The following NFIX variants were observed in gnomAD, a reference collection of about 807,000 sequenced individuals.
NFIX encodes the protein nuclear factor I X.
A neutral mutation model predicts 53.3 loss-of-function variants in NFIX; 2 were observed. The observed-to-expected ratio is 0.04, with a 90% CI of 0.02 to 0.12. The LOEUF (loss-of-function observed/expected upper bound fraction) is 0.12. NFIX is among the 10% of genes least tolerant of loss of function. The pLI is 1.00. For missense variants in NFIX, 310 were observed against 674.5 expected (o/e 0.46, Z 5.99); for synonymous variants, 244 against 289.0 (o/e 0.84, Z 1.58).
At chr19:13,046,148 T>C (rs989915986) in intron 2 of NFIX, among the ~76,000 whole-genome samples, 22 of 152,190 alleles carry the variant, frequency 1.4e-4, no homozygotes, top group African/African-American at 5.3e-4. Flanking sequence ...CTGCAGGCAC[T>C]CCTGCCTCCT....
In NFIX at chr19:13,028,915, C is replaced by T. The variant is rs1372062010; in HGVS notation, c.559+3363C>T. Reference sequence around the variant, plus strand: ...ACCAGTGCCTTCAGACCTTCCCTGACACCTAAGCCTTGGTCCTAGGAAAGA... The same window carrying T: ...ACCAGTGCCTTCAGACCTTCCCTGATACCTAAGCCTTGGTCCTAGGAAAGA... On this transcript the variant is annotated intron_variant, in intron 2 of 10. Coordinates refer to ENST00000592199, the MANE Select transcript of NFIX (RefSeq NM_001365902.3). This position sits in a 1 kb window ranked among gnomAD's most constrained non-coding sequence, Gnocchi z 4.2. Among the ~76,000 whole-genome samples, 1 of 151,944 alleles carries T rather than the reference C, an allele frequency of 6.6e-6. No individual in the cohort carries two copies. Among genetic ancestry groups the T allele is most frequent in the Admixed American group, 6.6e-5 (1 of 15,262 alleles).
rs377020972 is a variant in NFIX at position 13,089,004 on chromosome 19, A to C, written c.1402+868A>C. ...AGGGTGGGCAGCTCTGGGGGTGGGC[A>C]GGCCACAGGCCAGGGCAGTTCGGTG... On this transcript the variant is annotated intron_variant, in intron 9 of 10. Coordinates refer to ENST00000592199, the MANE Select transcript of NFIX (RefSeq NM_001365902.3). This position sits in a 1 kb window ranked among gnomAD's most constrained non-coding sequence, Gnocchi z 4.8. Among the ~76,000 whole-genome samples, 11 of 151,640 alleles carry C rather than the reference A, an allele frequency of 7.3e-5. No homozygotes were observed. The highest frequency in any genetic ancestry group is 2.7e-4 in the African/African-American group (11 of 41,234).
At position 13,001,648 on chromosome 19, in the gene NFIX, G is replaced by A. The variant is rs1305984228; in HGVS notation, c.27+5784G>A. Among the ~76,000 whole-genome samples, 2 of 152,150 alleles carry A rather than the reference G, an allele frequency of 1.3e-5. No homozygotes were observed. Among genetic ancestry groups the A allele is most frequent in the Non-Finnish European group, 2.9e-5 (2 of 68,018 alleles). ...TGTTGGCCTGTCCGTGTCAACTTGT[G>A]TCCACATACGTGTCAACGCACGTGT... is the stretch of plus-strand genomic sequence containing the variant. On this transcript the variant is annotated intron_variant, in intron 1 of 10. Coordinates refer to ENST00000592199, the MANE Select transcript of NFIX (RefSeq NM_001365902.3). The surrounding 1 kb of genome is among the most constrained non-coding windows in gnomAD (Gnocchi z 6.5).
intron 1 of NFIX, among the ~76,000 whole-genome samples, chr19:13,016,604 A>G (rs1421680152): frequency 2.9e-5 from 4 of 136,954 alleles, no homozygotes; most frequent in Non-Finnish European, 6.1e-5. Flanking sequence ...GGTTTTCTGC[A>G]CTGTTAAAAC....
rs557010049 is a variant in NFIX, at chr19:13,027,445, C to T, written c.559+1893C>T. ...GGTGACTGGTGGCTTGCAGAAGGCT[C>T]GGAGCCTCGAGCTTACCAGTGTGGC... On this transcript the variant is annotated intron_variant, in intron 2 of 10. Transcript: ENST00000592199. The surrounding 1 kb of genome is among the most constrained non-coding windows in gnomAD (Gnocchi z 4.3). 1.6e-4 allele frequency among the ~76,000 whole-genome samples: 24 copies of T among 152,222 alleles called. No individual in the cohort carries two copies. The highest frequency in any genetic ancestry group is 4.3e-4 in the African/African-American group (18 of 41,512).
chr19:13,075,068 T>TTAAAAAAA (rs556561337), intron 5 of NFIX, among the ~76,000 whole-genome samples: 5 of 73,684 alleles, frequency 6.8e-5, no homozygotes, highest in African/African-American at 3.3e-4. Flanking sequence ...AGACTCCATC[T>TTAAAAAAA]AAAAAAAAAA....
At position 13,005,752 on chromosome 19, in the gene NFIX, C is replaced by T; in HGVS notation, c.27+9888C>T. Among the ~76,000 whole-genome samples the T allele has an allele frequency of 6.6e-6, 1 of 152,178 alleles. No homozygotes were observed. Among genetic ancestry groups the T allele is most frequent in the Non-Finnish European group, 1.5e-5 (1 of 68,044 alleles). On this transcript the variant is annotated intron_variant, in intron 1 of 10. Transcript: ENST00000592199. This position sits in a 1 kb window ranked among gnomAD's most constrained non-coding sequence, Gnocchi z 4.7. ...AAAATGGGTCTGCACACCCCCACGC[C>T]CCCATTTGAAACGTGCCCTAGTGGT...
chr19:13,076,953 G>T (rs2017139518), intron 6 of NFIX, among the ~76,000 whole-genome samples: 1 of 152,104 alleles, frequency 6.6e-6, no homozygotes, highest in South Asian at 2.1e-4. Context: ...GTGACTCTGG[G>T]GCCCCTCCCA....
At chr19:13,015,447 T>C in intron 1 of NFIX, among the ~76,000 whole-genome samples, 1 of 152,092 alleles carries the variant, frequency 6.6e-6, no homozygotes, top group East Asian at 1.9e-4. Context: ...CTCTCTCTGC[T>C]CTCTTCTCTT....
intron 2 of NFIX, among the ~76,000 whole-genome samples, chr19:13,055,802 G>C (rs1202645240): frequency 6.6e-6 from 1 of 152,182 alleles, no homozygotes; most frequent in African/African-American, 2.4e-5. Context: ...CTCTCTCTCT[G>C]TAGGGCAGGC....
intron 2 of NFIX, among the ~76,000 whole-genome samples, chr19:13,057,965 G>T (rs2015819368): frequency 6.6e-6 from 1 of 152,148 alleles, no homozygotes; most frequent in Admixed American, 6.5e-5. Flanking sequence ...CCAGAAGGGG[G>T]CTGTTCAGGG....
chr19:13,073,853 C>A lies in NFIX; in HGVS notation c.698-53C>A. The A allele has an allele frequency of 6.2e-7, 1 of 1,612,114 alleles. No individual in the cohort carries two copies. The highest frequency in any genetic ancestry group is 1.7e-5 in the Admixed American group (1 of 59,910). The stretch of plus-strand genomic sequence containing the variant: ...AGCTGTTCATGACAAAGAAACAGAC[C>A]CCATCAGGCCTCCCCCCACCTCCAA... On this transcript the variant is annotated intron_variant, in intron 4 of 10. Transcript: ENST00000592199. The surrounding 1 kb of genome is among the most constrained non-coding windows in gnomAD (Gnocchi z 4.5).
chr19:13,031,856 C>T (rs1260585838), intron 2 of NFIX, among the ~76,000 whole-genome samples: 1 of 152,136 alleles, frequency 6.6e-6, no homozygotes, highest in Non-Finnish European at 1.5e-5. Context: ...TCCCTCTGTC[C>T]TGGCTTCCTG....
At chr19:13,076,019 T>G (rs531728641) in intron 6 of NFIX, among the ~76,000 whole-genome samples, 3 of 152,262 alleles carry the variant, frequency 2.0e-5, no homozygotes, top group African/African-American at 7.2e-5. Flanking sequence ...TGAAAGCAGT[T>G]TCTCACCCTG....
At chr19:13,020,462 G>C (rs905145869) in intron 1 of NFIX, among the ~76,000 whole-genome samples, 3 of 152,168 alleles carry the variant, frequency 2.0e-5, no homozygotes, top group South Asian at 4.1e-4. Context: ...CGAAGCATCA[G>C]AATATCCTGG....
intron 2 of NFIX, among the ~76,000 whole-genome samples, chr19:13,057,595 T>C (rs1248437935): frequency 1.3e-5 from 2 of 152,050 alleles, no homozygotes; most frequent in African/African-American, 2.4e-5. Context: ...GAACAAGCTA[T>C]TAAAAGTAAA....
Position 13,013,823 on chromosome 19 carries a change from G to T in NFIX, c.28-11198G>T, listed in dbSNP as rs1413526537. 1 of 152,154 alleles carries T rather than the reference G, an allele frequency of 6.6e-6. No homozygotes were observed. The highest frequency in any genetic ancestry group is 1.5e-5 in the Non-Finnish European group (1 of 68,038). The allele number at this position is 152,154 out of a possible 1,614,324, so 9.4% of individuals were successfully genotyped here. A position where few individuals can be genotyped will look rare whatever the true frequency, so the allele number is the denominator to read the frequency against. ...CCGCGACTGAGCTTGCGGTCGCCCC[G>T]ATTCTCTAGTAGACCCTGGCGTGGG... On this transcript the variant is annotated intron_variant, in intron 1 of 10. Transcript: ENST00000592199. This position sits in a 1 kb window ranked among gnomAD's most constrained non-coding sequence, Gnocchi z 5.9.
At chr19:13,075,294 G>T (rs1005952179) in intron 5 of NFIX, among the ~76,000 whole-genome samples, 1 of 152,116 alleles carries the variant, frequency 6.6e-6, no homozygotes, top group Non-Finnish European at 1.5e-5. Context: ...TTGGAGGACC[G>T]TGGCATCACA....
chr19:13,018,353 G>A (rs2012784991), intron 1 of NFIX, among the ~76,000 whole-genome samples: 2 of 114,662 alleles, frequency 1.7e-5, no homozygotes, highest in East Asian at 2.7e-4. Flanking sequence ...GGGGGGGGGC[G>A]CGGTTTACAG....
Sources: allele counts gnomAD v4.1 joint callset (sites outside exome capture counted in the v4.1 genomes callset), GRCh38; gene constraint gnomAD v4.1.1; non-coding constraint Gnocchi (gnomAD v3.1); transcripts MANE v1.5; gene names NCBI Gene and HGNC (gene_info 2026-07-23, HGNC 2026-07-21).